The following DPF3 variants were observed in gnomAD, a reference collection of about 807,000 sequenced individuals.
DPF3 encodes double PHD fingers 3, also known as zinc finger protein DPF3.
Under a neutral mutation model 56.8 loss-of-function variants are expected in DPF3, and 18 were observed. The observed-to-expected ratio is 0.32, with a 90% CI of 0.22 to 0.47. The LOEUF is 0.47. Among genes scored for constraint, DPF3 ranks in the 20% least tolerant of loss-of-function variants. The probability of loss-of-function intolerance (pLI) is 1.00; values close to 1 mark genes in which losing one functional copy is unlikely to be tolerated. For missense variants in DPF3, 403 were observed against 488.8 expected (o/e 0.82, Z 1.65); for synonymous variants, 188 against 180.2 (o/e 1.04, Z -0.35).
chr14:72,819,163 T>C (rs1199185767), intron 1 of DPF3, among the ~76,000 whole-genome samples: 1 of 152,192 alleles, frequency 6.6e-6, no homozygotes, highest in Admixed American at 6.5e-5. Context: ...TTCACACCCA[T>C]TAAAATGGCT....
intron 8 of DPF3, among the ~76,000 whole-genome samples, chr14:72,664,246 T>C (rs899699599): frequency 1.3e-5 from 2 of 151,934 alleles, no homozygotes; most frequent in Non-Finnish European, 2.9e-5. Context: ...ACCCCTCTGG[T>C]CAGATGTTAC....
chr14:72,773,350 T>G (rs1472233401), intron 1 of DPF3, among the ~76,000 whole-genome samples: 1 of 151,956 alleles, frequency 6.6e-6, no homozygotes, highest in Non-Finnish European at 1.5e-5. Context: ...GTCAGGCTGG[T>G]CTCAAACTCC....
intron 1 of DPF3, among the ~76,000 whole-genome samples, chr14:72,856,115 CA>C (rs1006073782): frequency 1.3e-5 from 2 of 152,188 alleles, no homozygotes; most frequent in African/African-American, 2.4e-5. Context: ...TAGCTTTGGG[CA>C]GGGCACTTCT....
At position 72,629,677 on chromosome 14, in the gene DPF3, A is replaced by G. The variant is rs1189807594; in HGVS notation, c.931T>C (p.Trp311Arg). The part of the protein sequence containing the change: ...NMTEAVKTYK[W>R]QCIECKSCIL... ...CAGGATTTGCACTCTATGCACTGCC[A>G]CTTGTAGGTCTTGACAGCCTCGGTC... The change falls in exon 9 of 11, where the codon TGG becomes CGG. Residue 311 changes from tryptophan to arginine, a missense_variant. Physicochemically the swap from Trp to Arg is moderately radical, Grantham distance 101 (BLOSUM62 -3). This residue lies in a region of DPF3 where 63 missense variants were observed against 114.4 expected (regional missense o/e 0.55). Coordinates refer to ENST00000556509, the MANE Select transcript of DPF3 (RefSeq NM_001280542.3). The G allele has an allele frequency of 6.5e-7, 1 of 1,536,100 alleles. No homozygotes were observed. Among genetic ancestry groups the G allele is most frequent in the Non-Finnish European group, 8.7e-7 (1 of 1,146,886 alleles).
intron 7 of DPF3, among the ~76,000 whole-genome samples, chr14:72,684,566 G>C (rs1887321613): frequency 6.6e-6 from 1 of 151,950 alleles, no homozygotes; most frequent in African/African-American, 2.4e-5. Flanking sequence ...AAGACAGTGA[G>C]ACACAGAATG....
intron 8 of DPF3, among the ~76,000 whole-genome samples, chr14:72,638,062 C>T (rs537429150): frequency 2.6e-5 from 4 of 152,268 alleles, no homozygotes; most frequent in East Asian, 1.9e-4. Context: ...AAGGTTCCAT[C>T]GATGAGGAAT....
rs1295529511 is a variant in DPF3, at chr14:72,615,377, G to A, written c.*3920C>T. ...CAGGTCTCCTCCACTTGCCCCGAAA[G>A]GAAAAGTAATAACAATCATCTCATT... is the stretch of plus-strand genomic sequence containing the variant. On this transcript the variant is annotated 3_prime_UTR_variant, in exon 11 of 11. Coordinates refer to ENST00000556509, the MANE Select transcript of DPF3 (RefSeq NM_001280542.3). Among the ~76,000 whole-genome samples, 1 of 152,184 alleles carries A rather than the reference G, an allele frequency of 6.6e-6. No homozygotes were observed. The highest frequency in any genetic ancestry group is 1.5e-5 in the Non-Finnish European group (1 of 68,036).
At chr14:72,722,485 T>C (rs920961277) in intron 5 of DPF3, among the ~76,000 whole-genome samples, 10 of 152,216 alleles carry the variant, frequency 6.6e-5, no homozygotes, top group African/African-American at 2.4e-4. Flanking sequence ...AGTGGGGTCC[T>C]GGGAATCTGC....
chr14:72,610,685 G>C lies in DPF3; in HGVS notation c.*8612C>G, dbSNP rs1007362642. On this transcript the variant is annotated 3_prime_UTR_variant, in exon 11 of 11. Coordinates refer to ENST00000556509, the MANE Select transcript of DPF3 (RefSeq NM_001280542.3). ...CCAGGAAGGCGCCTGATGAGACCGT[G>C]TTCTCAGCCTGAGAGCGCGCTCAAG... Among the ~76,000 whole-genome samples the C allele has an allele frequency of 1.3e-5, 2 of 152,230 alleles. No homozygotes were observed. Among genetic ancestry groups the C allele is most frequent in the Non-Finnish European group, 2.9e-5 (2 of 68,042 alleles).
chr14:72,786,369 A>G (rs1343109718), intron 1 of DPF3, among the ~76,000 whole-genome samples: 1 of 152,242 alleles, frequency 6.6e-6, no homozygotes, highest in Admixed American at 6.5e-5. Flanking sequence ...CTCCTAGTTC[A>G]GGGATTCCTC....
chr14:72,763,183 T>G (rs1418694439), intron 2 of DPF3, among the ~76,000 whole-genome samples: 1 of 152,052 alleles, frequency 6.6e-6, no homozygotes, highest in Non-Finnish European at 1.5e-5. Context: ...TTTCCCCAAA[T>G]GGATCTATAG....
intron 8 of DPF3, among the ~76,000 whole-genome samples, chr14:72,650,409 C>G (rs866078926): frequency 6.6e-6 from 1 of 152,216 alleles, no homozygotes; most frequent in African/African-American, 2.4e-5. Context: ...AAGGAAGCAG[C>G]CTGGCTTGGG....
At chr14:72,640,699 G>A (rs1885534486) in intron 8 of DPF3, among the ~76,000 whole-genome samples, 1 of 152,214 alleles carries the variant, frequency 6.6e-6, no homozygotes, top group Non-Finnish European at 1.5e-5. Context: ...ACTGTTAGCA[G>A]AGATGCGACT....
chr14:72,701,609 G>A (rs1273848553), intron 6 of DPF3, among the ~76,000 whole-genome samples: 1 of 152,202 alleles, frequency 6.6e-6, no homozygotes, highest in Non-Finnish European at 1.5e-5. Flanking sequence ...AGCCGCTGCA[G>A]CAGACAGCAG....
At chr14:72,869,884 T>C (rs995801993) in intron 1 of DPF3, among the ~76,000 whole-genome samples, 13 of 152,230 alleles carry the variant, frequency 8.5e-5, no homozygotes, top group African/African-American at 2.9e-4. Context: ...TTGCTTTTTT[T>C]TCCCTAGAGA....
chr14:72,663,049 C>A (rs370240799), intron 8 of DPF3, among the ~76,000 whole-genome samples: 1 of 150,714 alleles, frequency 6.6e-6, no homozygotes, highest in Admixed American at 6.7e-5. Flanking sequence ...CCTTGAACTT[C>A]AGCAGCATGA....
chr14:72,702,665 C>G (rs922398699), intron 6 of DPF3, among the ~76,000 whole-genome samples: 1 of 152,154 alleles, frequency 6.6e-6, no homozygotes, highest in Non-Finnish European at 1.5e-5. Context: ...TTCCTACAAC[C>G]AATTCCCCCG....
At chr14:72,818,338 A>C (rs979452480) in intron 1 of DPF3, among the ~76,000 whole-genome samples, 1 of 150,104 alleles carries the variant, frequency 6.7e-6, no homozygotes, top group Non-Finnish European at 1.5e-5. Flanking sequence ...AGAATCACAA[A>C]AGGGAAAAAT....
At position 72,619,824 on chromosome 14, in the gene DPF3, GTAC is replaced by G. The variant is rs1331357091; in HGVS notation, c.1066+76_1066+78del. ...ATGTAAACCCATTAGCATAAGGCCTGTACCATAGTGAGAGCTCAGTAAGTGCTA... is the reference window on the plus strand; with the variant it reads ...ATGTAAACCCATTAGCATAAGGCCTGCATAGTGAGAGCTCAGTAAGTGCTA... On this transcript the variant is annotated intron_variant, in intron 10 of 10. Transcript: ENST00000556509. 4 of 1,331,136 alleles carry G rather than the reference GTAC, an allele frequency of 3.0e-6. No homozygotes were observed. The African/African-American group carries it at 5.8e-5, about 19-fold the overall frequency. The allele number at this position is 1,331,136 out of a possible 1,614,324, so 82.5% of individuals were successfully genotyped here.
Sources: allele counts gnomAD v4.1 joint callset (sites outside exome capture counted in the v4.1 genomes callset), GRCh38; gene constraint gnomAD v4.1.1; regional missense constraint gnomAD v4.1.1; transcripts MANE v1.5; gene names NCBI Gene and HGNC (gene_info 2026-07-23, HGNC 2026-07-21).